TAB2: variants seen among roughly 807,000 people sequenced by gnomAD.
TAB2 encodes the protein TGF-beta-activated kinase 1 and MAP3K7-binding protein 2.
TAB2 carries 3 observed loss-of-function variants against 65.0 expected under a neutral mutation model. The ratio of observed to expected loss-of-function variants is 0.05; its 90% CI spans 0.02 to 0.12. TAB2 has a LOEUF of 0.12. Among genes scored for constraint, TAB2 ranks in the 10% least tolerant of loss-of-function variants. TAB2 has a pLI of 1.00. For missense variants in TAB2, 623 were observed against 840.3 expected (o/e 0.74, Z 3.20); for synonymous variants, 298 against 285.1 (o/e 1.05, Z -0.46).
chr6:149,404,647 T>C (rs534860216), intron 6 of TAB2, among the ~76,000 whole-genome samples: 1 of 152,350 alleles, frequency 6.6e-6, no homozygotes, highest in South Asian at 2.1e-4. Flanking sequence ...GGTCAACTTA[T>C]CTTTGACAAG....
intron 2 of TAB2, among the ~76,000 whole-genome samples, chr6:149,371,660 A>G (rs975162861): frequency 6.6e-6 from 1 of 152,224 alleles, no homozygotes; most frequent in Non-Finnish European, 1.5e-5. Context: ...CTACACAGAG[A>G]GTTAAATTTG....
chr6:149,347,652 TAAGTA>T (rs1780348277), intron 1 of TAB2, among the ~76,000 whole-genome samples: 2 of 152,180 alleles, frequency 1.3e-5, no homozygotes, highest in Admixed American at 6.5e-5. Context: ...AAATGGAGTT[TAAGTA>T]AAGTTTGCTT....
intron 1 of TAB2, among the ~76,000 whole-genome samples, chr6:149,264,152 G>A (rs1212576905): frequency 6.6e-6 from 1 of 152,208 alleles, no homozygotes; most frequent in Non-Finnish European, 1.5e-5. Context: ...ACAAGGAGGA[G>A]TCACGTTTTA....
intron 2 of TAB2, among the ~76,000 whole-genome samples, chr6:149,376,895 C>G (rs1009730573): frequency 6.7e-6 from 1 of 150,220 alleles, no homozygotes; most frequent in Non-Finnish European, 1.5e-5. Flanking sequence ...TTCCCCCCCC[C>G]CACTCTGGAG....
chr6:149,409,451 G>T, intron 6 of TAB2, 126 bp from the exon 7 acceptor site: 1 of 815,012 alleles, frequency 1.2e-6, no homozygotes, highest in Non-Finnish European at 2.0e-6. Context: ...GTCAGTGTCA[G>T]CTAGATGCCC....
At chr6:149,371,810 G>A (rs1781235877) in intron 2 of TAB2, among the ~76,000 whole-genome samples, 1 of 151,868 alleles carries the variant, frequency 6.6e-6, no homozygotes, top group African/African-American at 2.4e-5. Context: ...GTTTACATTT[G>A]TTAATATAAA....
At chr6:149,255,875 T>G (rs2114661852) in intron 1 of TAB2, among the ~76,000 whole-genome samples, 1 of 152,342 alleles carries the variant, frequency 6.6e-6, no homozygotes, top group Non-Finnish European at 1.5e-5. Context: ...AGGCAGTCGT[T>G]GCAGACCATA....
chr6:149,355,831 C>G (rs539716161), intron 1 of TAB2, among the ~76,000 whole-genome samples: 1 of 152,066 alleles, frequency 6.6e-6, no homozygotes, highest in East Asian at 1.9e-4. Flanking sequence ...AGGATCATGC[C>G]CAACTAAATT....
intron 1 of TAB2, among the ~76,000 whole-genome samples, chr6:149,296,617 CAG>C (rs779400928): frequency 6.6e-6 from 1 of 152,044 alleles, no homozygotes; most frequent in African/African-American, 2.4e-5. Flanking sequence ...TTATTGTAAA[CAG>C]AAAGTTCTCA....
chr6:149,354,777 A>T (rs1287291142), intron 1 of TAB2, among the ~76,000 whole-genome samples: 1 of 152,166 alleles, frequency 6.6e-6, no homozygotes, highest in Non-Finnish European at 1.5e-5. Context: ...ATTCCATATT[A>T]GCATCTCATT....
Position 149,227,106 on chromosome 6 carries a change from C to T in TAB2, c.-121+8330C>T, listed in dbSNP as rs755057677. On this transcript the variant is annotated intron_variant, in intron 1 of 1. Coordinates refer to the TAB2 transcript ENST00000606202. ...TAGGTATAGTTTTTGCAGGAGCATA[C>T]ATATTACTAAAAGAAAGATTCACTT... Among the ~76,000 whole-genome samples the T allele has an allele frequency of 3.9e-5, 6 of 152,258 alleles. No homozygotes were observed. The East Asian group carries it at 1.2e-3, about 29-fold the overall frequency.
intron 1 of TAB2, among the ~76,000 whole-genome samples, chr6:149,339,593 A>ATTTTTTTTT (rs1562422713): frequency 1.3e-4 from 2 of 15,440 alleles, no homozygotes; most frequent in African/African-American, 1.7e-4. Context: ...TTTTTTATTT[A>ATTTTTTTTT]TTTATTTATT....
intron 1 of TAB2, among the ~76,000 whole-genome samples, chr6:149,346,272 G>GCACA (rs1421242648): frequency 6.6e-6 from 1 of 151,306 alleles, no homozygotes; most frequent in African/African-American, 2.4e-5. Flanking sequence ...ATGCACGCAT[G>GCACA]CACACACACA....
chr6:149,218,179 A>G (rs1403790381), upstream of TAB2: 1 of 152,256 alleles, frequency 6.6e-6, no homozygotes, highest in Non-Finnish European at 1.5e-5. Context: ...AAAGAAGAGT[A>G]GAAAGCTTAT....
intron 1 of TAB2, among the ~76,000 whole-genome samples, chr6:149,271,034 C>A (rs1014752559): frequency 1.1e-4 from 16 of 147,786 alleles, no homozygotes; most frequent in Non-Finnish European, 2.3e-4. Context: ...CTCTCTGCAC[C>A]TTATTCTTTT....
At chr6:149,382,671 T>C (rs1032528915) in intron 3 of TAB2, among the ~76,000 whole-genome samples, 19 of 152,186 alleles carry the variant, frequency 1.2e-4, no homozygotes, top group African/African-American at 4.1e-4. Flanking sequence ...TGTCTTTCTT[T>C]CCAGATTTTC....
At chr6:149,259,327 C>T (rs928344560) in intron 1 of TAB2, among the ~76,000 whole-genome samples, 3 of 134,016 alleles carry the variant, frequency 2.2e-5, no homozygotes, top group Non-Finnish European at 4.6e-5. Flanking sequence ...CTATAGCACG[C>T]TCCCTCTACA....
intron 3 of TAB2, among the ~76,000 whole-genome samples, chr6:149,390,426 C>G (rs754647144): frequency 6.6e-6 from 1 of 152,122 alleles, no homozygotes; most frequent in Non-Finnish European, 1.5e-5. Flanking sequence ...TGACATATGT[C>G]TTTTCTCAGT....
At chr6:149,366,570 A>T (rs1356960580) in intron 1 of TAB2, among the ~76,000 whole-genome samples, 1 of 152,142 alleles carries the variant, frequency 6.6e-6, no homozygotes, top group East Asian at 1.9e-4. Flanking sequence ...AAAAGCCATT[A>T]AAAAATGGAA....
Sources: allele counts gnomAD v4.1 joint callset (sites outside exome capture counted in the v4.1 genomes callset), GRCh38; gene constraint gnomAD v4.1.1; transcripts MANE v1.5; gene names NCBI Gene and HGNC (gene_info 2026-07-23, HGNC 2026-07-21).